Variants in MICU1 observed in about 807,000 individuals in gnomAD.
MICU1 encodes the protein mitochondrial calcium uptake 1, also known as calcium uptake protein 1, mitochondrial.
In MICU1, 45 loss-of-function variants were observed where a neutral mutation model predicts 56.8. That is an observed-to-expected ratio of 0.79 (90% confidence interval 0.62 to 1.02). The LOEUF is 1.02. MICU1 is among the 50% of genes least tolerant of loss of function. The probability of loss-of-function intolerance (pLI) is 0.00; values close to 1 mark genes in which losing one functional copy is unlikely to be tolerated. For synonymous variants in MICU1, 186 were observed against 195.1 expected (o/e 0.95, Z 0.39); for missense variants, 504 against 587.1 (o/e 0.86, Z 1.46).
At chr10:72,415,418 C>A (rs1319645654) in intron 9 of MICU1, among the ~76,000 whole-genome samples, 2 of 152,134 alleles carry the variant, frequency 1.3e-5, no homozygotes, top group African/African-American at 4.8e-5. Context: ...TTACCTATTT[C>A]TTGGGTACCT....
At chr10:72,577,396 C>T (rs1036935858) in intron 1 of MICU1, among the ~76,000 whole-genome samples, 8 of 151,854 alleles carry the variant, frequency 5.3e-5, no homozygotes, top group African/African-American at 1.9e-4. Context: ...GTAATCCCAG[C>T]TACTCGGAAG....
At chr10:72,556,372 C>T (rs1027560465) in intron 3 of MICU1, among the ~76,000 whole-genome samples, 1 of 152,064 alleles carries the variant, frequency 6.6e-6, no homozygotes, top group Non-Finnish European at 1.5e-5. Context: ...CAGAGTTTCA[C>T]TCTTGTTGCC....
chr10:72,571,268 G>A (rs2132486063), intron 1 of MICU1, among the ~76,000 whole-genome samples: 1 of 152,284 alleles, frequency 6.6e-6, no homozygotes, highest in Non-Finnish European at 1.5e-5. Flanking sequence ...GGAGGCTGAG[G>A]GAAAAGAATC....
intron 8 of MICU1, among the ~76,000 whole-genome samples, chr10:72,462,853 G>C (rs1375127754): frequency 6.6e-6 from 1 of 152,152 alleles, no homozygotes; most frequent in Non-Finnish European, 1.5e-5. Context: ...AGTTTCCATG[G>C]AGAAAAATCA....
At position 72,416,544 on chromosome 10, in the gene MICU1, C is replaced by T. The variant is rs533136866; in HGVS notation, c.1071+6690G>A. 3.3e-5 allele frequency among the ~76,000 whole-genome samples: 5 copies of T among 152,262 alleles called. No homozygotes were observed. In the South Asian group the frequency reaches 1.0e-3, roughly 32 times the overall value. ...ATCCACAGATGATATGAAAACTTAA[C>T]AATCTAATGGTTTTATTAGAACTGT... On this transcript the variant is annotated intron_variant, in intron 9 of 11. Coordinates refer to ENST00000361114, the MANE Select transcript of MICU1 (RefSeq NM_001195518.2).
At chr10:72,550,455 C>A (rs1373166823) in intron 4 of MICU1, among the ~76,000 whole-genome samples, 1 of 152,184 alleles carries the variant, frequency 6.6e-6, no homozygotes, top group Non-Finnish European at 1.5e-5. Context: ...ATATCCTCAT[C>A]ATTAAGTGGC....
intron 8 of MICU1, among the ~76,000 whole-genome samples, chr10:72,472,667 C>A (rs893653313): frequency 6.6e-6 from 1 of 152,136 alleles, no homozygotes; most frequent in African/African-American, 2.4e-5. Context: ...ACTTACTGAC[C>A]TTTTAGTATA....
intron 8 of MICU1, among the ~76,000 whole-genome samples, chr10:72,436,847 A>G (rs1250499045): frequency 6.6e-6 from 1 of 151,466 alleles, no homozygotes; most frequent in East Asian, 1.9e-4. Flanking sequence ...ATAAAACAAA[A>G]AGATAAGAGT....
intron 8 of MICU1, among the ~76,000 whole-genome samples, chr10:72,468,160 T>C (rs568398296): frequency 6.6e-6 from 1 of 152,278 alleles, no homozygotes; most frequent in Admixed American, 6.5e-5. Context: ...TATTGGTTAT[T>C]TGCTAAGCAC....
At chr10:72,404,898 T>G (rs921443125) in intron 10 of MICU1, among the ~76,000 whole-genome samples, 1 of 152,030 alleles carries the variant, frequency 6.6e-6, no homozygotes, top group African/African-American at 2.4e-5. Flanking sequence ...CTCATTTTAT[T>G]TATTTACTTA....
At chr10:72,437,233 G>A (rs905995548) in intron 8 of MICU1, among the ~76,000 whole-genome samples, 3 of 152,036 alleles carry the variant, frequency 2.0e-5, no homozygotes, top group Admixed American at 6.6e-5. Flanking sequence ...AGAGAGTGGG[G>A]GCCAATATTC....
At chr10:72,625,073 C>A (rs768690282) in intron 1 of MICU1, among the ~76,000 whole-genome samples, 54 of 152,232 alleles carry the variant, frequency 3.5e-4, no homozygotes, top group Non-Finnish European at 5.1e-4. Context: ...TTATACTGCT[C>A]GATCACTTCC....
chr10:72,466,981 A>AT (rs573099746), intron 8 of MICU1, among the ~76,000 whole-genome samples: 193 of 146,222 alleles, frequency 1.3e-3, no homozygotes, highest in South Asian at 5.4e-3. Flanking sequence ...TAATACCTTC[A>AT]TTTTTTTTTT....
At chr10:72,509,386 C>T (rs1589291308) in intron 5 of MICU1, 1 of 1,335,922 alleles carries the variant, frequency 7.5e-7, no homozygotes, top group Non-Finnish European at 9.9e-7. Context: ...ACACAACTAT[C>T]CAATGGGTTA....
chr10:72,483,725 C>T (rs887052627), intron 6 of MICU1: 6 of 159,554 alleles, frequency 3.8e-5, no homozygotes, highest in Non-Finnish European at 8.2e-5. Flanking sequence ...TATATTTAGG[C>T]AAAGAAGGCC....
intron 3 of MICU1, among the ~76,000 whole-genome samples, chr10:72,561,817 T>TA (rs1359531567): frequency 1.3e-5 from 2 of 151,990 alleles, no homozygotes; most frequent in Non-Finnish European, 2.9e-5. Flanking sequence ...TCTCCAAAAA[T>TA]AAAAAAATTA....
In MICU1 at chr10:72,378,080, T is replaced by C. The variant is rs959665165; in HGVS notation, c.1181-2208A>G. On this transcript the variant is annotated intron_variant, in intron 10 of 11. Transcript: ENST00000361114. ...GCCTGGCCAACATGGTGAAACCCTG[T>C]CTCTACTAAAATAAATACAAAAATT... 2.0e-5 allele frequency among the ~76,000 whole-genome samples: 3 copies of C among 152,026 alleles called. No individual in the cohort carries two copies. The South Asian group carries it at 6.2e-4, about 32-fold the overall frequency.
Position 72,413,488 on chromosome 10 carries a change from T to C in MICU1, c.1072-5451A>G, listed in dbSNP as rs567001337. Among the ~76,000 whole-genome samples the C allele has an allele frequency of 2.6e-5, 4 of 152,346 alleles. No individual in the cohort carries two copies. In the South Asian group the frequency reaches 8.3e-4, roughly 32 times the overall value. On this transcript the variant is annotated intron_variant, in intron 9 of 11. Transcript: ENST00000361114. ...TGGCTCACACCTGTAATGCCAGCAC[T>C]TTGGGACACCAAGGCGGGTGGATCA...
At chr10:72,527,049 G>T (rs1404265750) in intron 5 of MICU1, among the ~76,000 whole-genome samples, 1 of 151,998 alleles carries the variant, frequency 6.6e-6, no homozygotes, top group Non-Finnish European at 1.5e-5. Context: ...TTAAATTCAG[G>T]TATTAAAATG....
Sources: allele counts gnomAD v4.1 joint callset (sites outside exome capture counted in the v4.1 genomes callset), GRCh38; gene constraint gnomAD v4.1.1; transcripts MANE v1.5; gene names NCBI Gene and HGNC (gene_info 2026-07-23, HGNC 2026-07-21).